RANBP2: variants seen among roughly 807,000 people sequenced by gnomAD.
RANBP2 encodes the protein E3 SUMO-protein ligase RanBP2.
In RANBP2, 57 loss-of-function variants were observed where a neutral mutation model predicts 303.6. The observed-to-expected ratio is 0.19, with a 90% CI of 0.15 to 0.23. The LOEUF is 0.23. Among genes scored for constraint, RANBP2 ranks in the 10% least tolerant of loss-of-function variants. The probability of loss-of-function intolerance (pLI) is 1.00; values close to 1 mark genes in which losing one functional copy is unlikely to be tolerated. For synonymous variants in RANBP2, 1,167 were observed against 1,301.5 expected, an observed-to-expected ratio of 0.90 and a Z score of 2.23; for missense variants, 3,138 against 3,780.8, an observed-to-expected ratio of 0.83 and a Z score of 4.46.
chr2:109,585,212 T>C, the RANBP2 span: 117 of 1,613,242 alleles, frequency 7.3e-5, 1 homozygote, highest in African/African-American at 6.9e-4. Context: ...GGAGTTCATA[T>C]GTCTGAGCTT....
the RANBP2 span, among the ~76,000 whole-genome samples, chr2:109,016,084 T>C: frequency 4.6e-5 from 7 of 151,938 alleles, no homozygotes; most frequent in Admixed American, 4.6e-4. Context: ...TTTTTTTGTT[T>C]GTTTTGTTTT....
the RANBP2 span, among the ~76,000 whole-genome samples, chr2:109,419,845 G>A: frequency 2.6e-5 from 4 of 152,364 alleles, no homozygotes; most frequent in East Asian, 5.8e-4. Flanking sequence ...GTTGTTTCTA[G>A]GACATTTCTT....
the RANBP2 span, among the ~76,000 whole-genome samples, chr2:109,495,146 G>T: frequency 6.6e-6 from 1 of 152,212 alleles, no homozygotes; most frequent in Non-Finnish European, 1.5e-5. Flanking sequence ...GCATATTCTT[G>T]TCCTGCGGAC....
the RANBP2 span, among the ~76,000 whole-genome samples, chr2:109,346,445 C>A: frequency 1.3e-5 from 2 of 152,128 alleles, no homozygotes; most frequent in African/African-American, 4.8e-5. Flanking sequence ...GCATAGGCAG[C>A]CCTGGTGAGA....
At position 108,783,928 on chromosome 2, in the gene RANBP2, A is replaced by G. The variant is rs1230367973; in HGVS notation, c.*27A>G. On this transcript the variant is annotated 3_prime_UTR_variant, in exon 29 of 29. Coordinates refer to ENST00000283195, the MANE Select transcript of RANBP2 (RefSeq NM_006267.5). The stretch of plus-strand genomic sequence containing the variant: ...ATCATTGTTGTTCATAGAAAATTTC[A>G]TCTGTATAAGCAGTTGGATTGAAGC... The G allele has an allele frequency of 2.5e-6, 4 of 1,577,838 alleles. No homozygotes were observed. In the African/African-American group the frequency reaches 5.4e-5, roughly 21 times the overall value.
chr2:108,990,323 C>G, the RANBP2 span, among the ~76,000 whole-genome samples: 103 of 148,934 alleles, frequency 6.9e-4, no homozygotes, highest in African/African-American at 2.5e-3. Flanking sequence ...CCCAGCTACT[C>G]GGGAGGCTGA....
the RANBP2 span, among the ~76,000 whole-genome samples, chr2:108,960,081 C>T: frequency 6.6e-6 from 1 of 152,288 alleles, no homozygotes; most frequent in African/African-American, 2.4e-5. Context: ...GGGTGCTGGC[C>T]TGTCCACCCT....
chr2:109,349,386 G>A, the RANBP2 span, among the ~76,000 whole-genome samples: 1 of 152,174 alleles, frequency 6.6e-6, no homozygotes, highest in Non-Finnish European at 1.5e-5. Flanking sequence ...AGCTTCCCGG[G>A]AAACTGCACT....
At chr2:109,285,299 C>T in the RANBP2 span, among the ~76,000 whole-genome samples, 1 of 152,216 alleles carries the variant, frequency 6.6e-6, no homozygotes. Context: ...CTCATAACCT[C>T]CTGGGAAGCT....
chr2:109,433,493 C>A, the RANBP2 span, among the ~76,000 whole-genome samples: 1 of 152,214 alleles, frequency 6.6e-6, no homozygotes, highest in East Asian at 1.9e-4. Context: ...CTCACAGAAG[C>A]CCCTCGTGGG....
At chr2:108,963,974 T>TCAGCTGAGG in the RANBP2 span, among the ~76,000 whole-genome samples, 1 of 152,200 alleles carries the variant, frequency 6.6e-6, no homozygotes, top group Non-Finnish European at 1.5e-5. Context: ...TCCTCAACCA[T>TCAGCTGAGG]CAGCTGAGGC....
the RANBP2 span, among the ~76,000 whole-genome samples, chr2:109,467,907 C>T: frequency 7.2e-5 from 11 of 152,198 alleles, no homozygotes; most frequent in African/African-American, 2.7e-4. Flanking sequence ...CCAGCTGCAC[C>T]AACACCCCAG....
At chr2:109,436,209 C>T in the RANBP2 span, among the ~76,000 whole-genome samples, 1,524 of 152,314 alleles carry the variant, frequency 0.01, 31 homozygotes, top group African/African-American at 0.035. Context: ...AAACTGAATC[C>T]ACAGAAGCTT....
the RANBP2 span, among the ~76,000 whole-genome samples, chr2:108,904,729 G>C: frequency 5.9e-5 from 9 of 152,248 alleles, no homozygotes; most frequent in African/African-American, 2.2e-4. Flanking sequence ...TACATACCTT[G>C]TGATTCCACT....
the RANBP2 span, among the ~76,000 whole-genome samples, chr2:109,058,875 G>A: frequency 2.0e-5 from 3 of 152,170 alleles, no homozygotes; most frequent in Non-Finnish European, 4.4e-5. Context: ...TGGGAAAGCA[G>A]GATCTTGTGT....
chr2:108,875,295 T>A, the RANBP2 span, among the ~76,000 whole-genome samples: 1 of 142,696 alleles, frequency 7.0e-6, no homozygotes, highest in Non-Finnish European at 1.5e-5. Context: ...AATGTGCACA[T>A]GTACCCTAAA....
the RANBP2 span, among the ~76,000 whole-genome samples, chr2:109,719,007 TAA>T: frequency 1.8e-4 from 4 of 22,604 alleles, no homozygotes; most frequent in African/African-American, 2.4e-4. Flanking sequence ...AGACTCCATC[TAA>T]AAAAAAAAAA....
chr2:109,250,170 C>A, the RANBP2 span, among the ~76,000 whole-genome samples: 1 of 150,598 alleles, frequency 6.6e-6, no homozygotes, highest in Non-Finnish European at 1.5e-5. Context: ...GGTTTTTCTC[C>A]ACTCCTAGGA....
chr2:109,637,376 G>C, the RANBP2 span, among the ~76,000 whole-genome samples: 1 of 152,136 alleles, frequency 6.6e-6, no homozygotes, highest in Non-Finnish European at 1.5e-5. Flanking sequence ...ACTGCAAGAG[G>C]CTTTCCTCTT....
Sources: allele counts gnomAD v4.1 joint callset (sites outside exome capture counted in the v4.1 genomes callset), GRCh38; gene constraint gnomAD v4.1.1; transcripts MANE v1.5; gene names NCBI Gene and HGNC (gene_info 2026-07-23, HGNC 2026-07-21).